The following TMEM233 variants were observed in gnomAD, a reference collection of about 807,000 sequenced individuals.
TMEM233 encodes transmembrane protein 233.
TMEM233 carries 6 observed loss-of-function variants against 11.2 expected under a neutral mutation model. The observed-to-expected ratio is 0.54, with a 90% CI of 0.29 to 1.06. TMEM233 has a LOEUF of 1.06. Among genes scored for constraint, TMEM233 ranks in the 50% least tolerant of loss-of-function variants. The pLI is 0.08. For synonymous variants in TMEM233, 59 were observed against 55.8 expected, an observed-to-expected ratio of 1.06 and a Z score of -0.26; for missense variants, 127 against 144.7, an observed-to-expected ratio of 0.88 and a Z score of 0.63.
chr12:119,605,842 C>G (rs982855919), intron 1 of TMEM233, among the ~76,000 whole-genome samples: 10 of 152,248 alleles, frequency 6.6e-5, no homozygotes, highest in African/African-American at 2.2e-4. Flanking sequence ...TCAAGCCTGG[C>G]AGAATTCCTC....
At chr12:119,636,184 C>T (rs1313282376) in intron 2 of TMEM233, among the ~76,000 whole-genome samples, 1 of 152,076 alleles carries the variant, frequency 6.6e-6, no homozygotes, top group Admixed American at 6.6e-5. Context: ...TATCCAGGAG[C>T]CCACCAAGAG....
chr12:119,640,553 A>C, intron 2 of TMEM233, 146 bp from the exon 3 acceptor site: 1 of 836,778 alleles, frequency 1.2e-6, no homozygotes, highest in Admixed American at 2.1e-5. Context: ...GCTTAGAGTC[A>C]AAAGTGTGCA....
At chr12:119,620,200 T>G (rs1030177718) in intron 1 of TMEM233, among the ~76,000 whole-genome samples, 4 of 152,288 alleles carry the variant, frequency 2.6e-5, no homozygotes, top group African/African-American at 9.6e-5. Flanking sequence ...TCACCATTAA[T>G]TAATGGAATC....
chr12:119,628,184 G>A (rs938701504), intron 1 of TMEM233, among the ~76,000 whole-genome samples: 7 of 151,620 alleles, frequency 4.6e-5, no homozygotes, highest in African/African-American at 1.7e-4. Context: ...TTGAGACGGA[G>A]TTTCACTCTT....
chr12:119,654,134 T>TC, the TMEM233 span, among the ~76,000 whole-genome samples: 3 of 152,148 alleles, frequency 2.0e-5, no homozygotes, highest in Non-Finnish European at 4.4e-5. Flanking sequence ...CTCTTTTTTT[T>TC]CAGGTCTTGG....
At chr12:119,626,538 G>GAA (rs1566109309) in intron 1 of TMEM233, among the ~76,000 whole-genome samples, 7,254 of 63,070 alleles carry the variant, frequency 0.12, 542 homozygotes, top group Non-Finnish European at 0.14. Context: ...AAGGGAGAAG[G>GAA]GAGAAGAGAA....
At chr12:119,652,671 A>T in the TMEM233 span, among the ~76,000 whole-genome samples, 1 of 152,222 alleles carries the variant, frequency 6.6e-6, no homozygotes, top group Admixed American at 6.5e-5. Context: ...AAAGGGACCT[A>T]AAAAATCTGA....
At chr12:119,637,523 C>G (rs1448597486) in intron 2 of TMEM233, among the ~76,000 whole-genome samples, 2 of 152,194 alleles carry the variant, frequency 1.3e-5, no homozygotes, top group Non-Finnish European at 2.9e-5. Flanking sequence ...ACATACATAT[C>G]AAGGTGGAAC....
intron 1 of TMEM233, among the ~76,000 whole-genome samples, chr12:119,605,287 C>T (rs537857738): frequency 1.3e-5 from 2 of 152,186 alleles, no homozygotes; most frequent in East Asian, 1.9e-4. Flanking sequence ...CATAAGAAAG[C>T]TCTCCTCCTT....
rs1383224029 is a variant in TMEM233 at position 119,641,954 on chromosome 12, T to C, written c.*1249T>C. The C allele has an allele frequency of 1.3e-5, 2 of 152,250 alleles. No individual in the cohort carries two copies. Among genetic ancestry groups the C allele is most frequent in the African/African-American group, 4.8e-5 (2 of 41,462 alleles). The allele number at this position is 152,250 out of a possible 1,614,324, so 9.4% of individuals were successfully genotyped here. On this transcript the variant is annotated 3_prime_UTR_variant, in exon 3 of 3. Coordinates refer to ENST00000426426, the MANE Select transcript of TMEM233 (RefSeq NM_001136534.3). ...GATAGAATTTAATGATATTGTTTTGTGTCATGGTATTTATTTTATTTATTA... is the reference window on the plus strand; with the variant it reads ...GATAGAATTTAATGATATTGTTTTGCGTCATGGTATTTATTTTATTTATTA...
intron 1 of TMEM233, among the ~76,000 whole-genome samples, chr12:119,628,930 T>C (rs1954818885): frequency 6.6e-6 from 1 of 152,178 alleles, no homozygotes; most frequent in Non-Finnish European, 1.5e-5. Flanking sequence ...AACAAATGAG[T>C]GTGACTATGT....
At chr12:119,646,380 C>T (rs1955153175), downstream of TMEM233, among the ~76,000 whole-genome samples, 1 of 152,166 alleles carries the variant, frequency 6.6e-6, no homozygotes, top group Non-Finnish European at 1.5e-5. Flanking sequence ...TCTTACAGGG[C>T]TCTCTGGTAT....
chr12:119,613,316 A>G (rs1397681973), intron 1 of TMEM233, among the ~76,000 whole-genome samples: 1 of 152,192 alleles, frequency 6.6e-6, no homozygotes, highest in Non-Finnish European at 1.5e-5. Context: ...GCTAGGTGTC[A>G]GACCCTCCAT....
intron 1 of TMEM233, among the ~76,000 whole-genome samples, chr12:119,616,382 A>G (rs1156680486): frequency 6.6e-6 from 1 of 152,266 alleles, no homozygotes; most frequent in Admixed American, 6.5e-5. Flanking sequence ...AATTAAAACC[A>G]GAAAGAAACT....
At chr12:119,614,986 C>T (rs1420550623) in intron 1 of TMEM233, among the ~76,000 whole-genome samples, 1 of 151,642 alleles carries the variant, frequency 6.6e-6, no homozygotes, top group African/African-American at 2.4e-5. Context: ...CTTGTACCCT[C>T]TCCTCTCTCT....
At chr12:119,644,159 G>A (rs1955122050), downstream of TMEM233, among the ~76,000 whole-genome samples, 2 of 152,206 alleles carry the variant, frequency 1.3e-5, no homozygotes, top group South Asian at 2.1e-4. Context: ...ACAAACAGGT[G>A]TGGCCACTGT....
In TMEM233 at chr12:119,598,433, T is replaced by C. The variant is rs113352095; in HGVS notation, c.186+4399T>C. Among the ~76,000 whole-genome samples the C allele has an allele frequency of 7.2e-3, 1,091 of 152,366 alleles. 10 individuals are homozygous for C. Among genetic ancestry groups the C allele is most frequent in the African/African-American group, 0.025 (1,046 of 41,582 alleles). On this transcript the variant is annotated intron_variant, in intron 1 of 2. Transcript: ENST00000426426. Reference sequence around the variant, plus strand: ...TACACAATAACCAATGACTTTTGACTGGATGGCTTATAAGCTTTTCATTAG... The same window carrying C: ...TACACAATAACCAATGACTTTTGACCGGATGGCTTATAAGCTTTTCATTAG...
In TMEM233 at chr12:119,593,953, G is replaced by A; in HGVS notation, c.105G>A (p.Lys35=). The change falls in exon 1 of 3, where the codon AAG becomes AAA. Residue 35 remains lysine (K), a synonymous_variant. Transcript: ENST00000426426. The surrounding 1 kb of genome is among the most constrained non-coding windows in gnomAD (Gnocchi z 4.1). Reference sequence around the variant, plus strand: ...CCGAGGAGGACGTGCCCATGCCCAAGAACTACCTGTGGCTCACCATCGTCT... The same window carrying A: ...CCGAGGAGGACGTGCCCATGCCCAAAAACTACCTGTGGCTCACCATCGTCT... ...DKTEEDVPMP[K]NYLWLTIVSC... is the part of the protein sequence containing the mutation. The A allele has an allele frequency of 1.3e-6, 2 of 1,551,742 alleles. No homozygotes were observed. The highest frequency in any genetic ancestry group is 1.2e-5 in the South Asian group (1 of 84,062).
At chr12:119,606,449 T>C (rs1285033903) in intron 1 of TMEM233, among the ~76,000 whole-genome samples, 1 of 152,042 alleles carries the variant, frequency 6.6e-6, no homozygotes, top group Non-Finnish European at 1.5e-5. Context: ...ATAAAAAACA[T>C]GTTCTAAAAA....
Sources: gnomAD v4.1 joint callset for allele counts (sites outside exome capture counted in the v4.1 genomes callset) on GRCh38, gnomAD v4.1.1 for gene constraint, Gnocchi (gnomAD v3.1) non-coding constraint, MANE v1.5 for transcripts, NCBI Gene and HGNC (gene_info 2026-07-23, HGNC 2026-07-21) for gene names.